Variants in PRKCH observed in about 807,000 individuals in gnomAD.
PRKCH encodes the protein protein kinase C eta.
A neutral mutation model predicts 82.5 loss-of-function variants in PRKCH; 28 were observed. The ratio of observed to expected loss-of-function variants is 0.34; its 90% CI spans 0.25 to 0.47. PRKCH has a LOEUF of 0.47. Among genes scored for constraint, PRKCH ranks in the 20% least tolerant of loss-of-function variants. The pLI is 1.00. For synonymous variants in PRKCH, 322 were observed against 327.4 expected, an observed-to-expected ratio of 0.98 and a Z score of 0.18; for missense variants, 705 against 881.8, an observed-to-expected ratio of 0.80 and a Z score of 2.54.
At chr14:61,345,781 G>A (rs916745787) in intron 1 of PRKCH, among the ~76,000 whole-genome samples, 3 of 152,112 alleles carry the variant, frequency 2.0e-5, no homozygotes, top group East Asian at 1.9e-4. Flanking sequence ...GGCTGGGCAC[G>A]GTGGCCCAGC....
chr14:61,188,600 GGGGGT>G lies in PRKCH; in HGVS notation c.-19+935_-19+939del, dbSNP rs2044384377. ...GTGTGTGTGTGTGTCGGGGGGGTGG[GGGGGT>G]GGTGTGGTGTGTGTGTGTGTGTGTG... On this transcript the variant is annotated intron_variant, in intron 1 of 3. Transcript: ENST00000555185. Among the ~76,000 whole-genome samples the G allele has an allele frequency of 1.4e-4, 9 of 63,104 alleles. 1 individual carries two copies. Among genetic ancestry groups the G allele is most frequent in the African/African-American group, 4.8e-4 (8 of 16,820 alleles). The allele number at this position is 63,104 out of a possible 152,430, so 41.4% of individuals were successfully genotyped here.
intron 1 of PRKCH, among the ~76,000 whole-genome samples, chr14:61,314,468 G>A (rs7148236): frequency 0.028 from 4,224 of 152,258 alleles, 151 homozygotes; most frequent in African/African-American, 0.085. Flanking sequence ...CGATTTTCCT[G>A]TTAGAAAACA....
chr14:61,452,440 T>G (rs1156858531), intron 6 of PRKCH, among the ~76,000 whole-genome samples: 2 of 152,086 alleles, frequency 1.3e-5, no homozygotes, highest in Admixed American at 1.3e-4. Context: ...CAGTTTCACC[T>G]CCCATCAGCA....
chr14:61,329,538 G>A (rs971923746), intron 1 of PRKCH, among the ~76,000 whole-genome samples: 2 of 152,246 alleles, frequency 1.3e-5, no homozygotes, highest in Admixed American at 6.5e-5. Context: ...CCCAGCCAAA[G>A]TCCAGAGTCT....
At chr14:61,340,198 G>A (rs1040949771) in intron 1 of PRKCH, among the ~76,000 whole-genome samples, 2 of 152,074 alleles carry the variant, frequency 1.3e-5, no homozygotes, top group Non-Finnish European at 2.9e-5. Context: ...GCGAAGCCCA[G>A]GAGTGACAGT....
At chr14:61,307,144 A>G (rs1288559529) in intron 1 of PRKCH, 1 of 152,226 alleles carries the variant, frequency 6.6e-6, no homozygotes, top group Non-Finnish European at 1.5e-5. Flanking sequence ...TGTGCCTGTA[A>G]TCCCAGCACT....
intron 1 of PRKCH, among the ~76,000 whole-genome samples, chr14:61,249,204 A>G (rs1215759410): frequency 1.3e-5 from 2 of 152,236 alleles, no homozygotes; most frequent in Non-Finnish European, 2.9e-5. Flanking sequence ...TAAACCACTT[A>G]TAAAACCACC....
intron 9 of PRKCH, among the ~76,000 whole-genome samples, chr14:61,460,020 A>AT (rs146492555): frequency 0.029 from 4,347 of 151,688 alleles, 223 homozygotes; most frequent in East Asian, 0.26. Flanking sequence ...AATTTTTGTT[A>AT]TTTTTTTGTA....
intron 1 of PRKCH, chr14:61,390,887 T>G: frequency 4.9e-6 from 1 of 202,696 alleles, no homozygotes; most frequent in Non-Finnish European, 9.7e-6. Flanking sequence ...TGTGGTTTAG[T>G]AAAATGCTGC....
chr14:61,295,811 G>C (rs931280769), intron 1 of PRKCH, among the ~76,000 whole-genome samples: 1 of 151,672 alleles, frequency 6.6e-6, no homozygotes, highest in Non-Finnish European at 1.5e-5. Context: ...TCATTGTTTC[G>C]AATGCTCTCT....
intron 1 of PRKCH, among the ~76,000 whole-genome samples, chr14:61,344,749 G>A (rs1041146856): frequency 3.3e-5 from 5 of 152,054 alleles, no homozygotes; most frequent in Admixed American, 1.3e-4. Flanking sequence ...GGTGATGGCT[G>A]TTTGTGTGCT....
chr14:61,272,357 T>C (rs2045164558), intron 1 of PRKCH, among the ~76,000 whole-genome samples: 2 of 133,454 alleles, frequency 1.5e-5, no homozygotes, highest in South Asian at 5.0e-4. Flanking sequence ...TTTTTTTTTT[T>C]TTTTTTTTTT....
intron 9 of PRKCH, among the ~76,000 whole-genome samples, chr14:61,461,449 C>G (rs746572198): frequency 6.6e-6 from 1 of 152,198 alleles, no homozygotes; most frequent in African/African-American, 2.4e-5. Context: ...ATGAGTCAAG[C>G]CGCAGAGCCA....
upstream of PRKCH, among the ~76,000 whole-genome samples, chr14:61,317,894 C>G (rs1160430276): frequency 6.6e-6 from 1 of 152,098 alleles, no homozygotes; most frequent in Non-Finnish European, 1.5e-5. Flanking sequence ...CAATGGCTCC[C>G]AAATTTGTCT....
intron 1 of PRKCH, among the ~76,000 whole-genome samples, chr14:61,213,799 A>G (rs140863848): frequency 1.8e-3 from 279 of 152,352 alleles, no homozygotes; most frequent in Middle Eastern, 6.8e-3. Context: ...TGGACTGACC[A>G]TGTAACCATC....
At chr14:61,488,576 T>C (rs1321552410) in intron 10 of PRKCH, among the ~76,000 whole-genome samples, 1 of 152,232 alleles carries the variant, frequency 6.6e-6, no homozygotes, top group Admixed American at 6.5e-5. Flanking sequence ...TAGAGTACCA[T>C]TACAGTGTCA....
chr14:61,468,069 A>G (rs1394776886), intron 9 of PRKCH, among the ~76,000 whole-genome samples: 5 of 152,348 alleles, frequency 3.3e-5, no homozygotes, highest in South Asian at 2.1e-4. Context: ...AATATGTACA[A>G]CTGAGAATAC....
chr14:61,229,524 G>C lies in PRKCH; in HGVS notation c.-19+41856G>C, dbSNP rs76597683. Among the ~76,000 whole-genome samples, 781 of 152,338 alleles carry C rather than the reference G, an allele frequency of 5.1e-3. 27 individuals carry two copies. The East Asian group carries it at 0.09, about 18-fold the overall frequency. On this transcript the variant is annotated intron_variant, in intron 1 of 3. Transcript: ENST00000555185. ...GCTCTGGTTACATAAGCCACTAGCT[G>C]TTTGTGTAAATGGCTGTTTTACCCT... is the stretch of plus-strand genomic sequence containing the variant.
At chr14:61,549,656 C>T in intron 13 of PRKCH, 29 bp from the exon 14 acceptor site, 1 of 1,606,112 alleles carries the variant, frequency 6.2e-7, no homozygotes, top group Non-Finnish European at 8.5e-7. Flanking sequence ...GCAAAAATCT[C>T]ACCCTTGTTT....
Sources: gnomAD v4.1 joint callset for allele counts (sites outside exome capture counted in the v4.1 genomes callset) on GRCh38, gnomAD v4.1.1 for gene constraint, MANE v1.5 for transcripts, NCBI Gene and HGNC (gene_info 2026-07-23, HGNC 2026-07-21) for gene names.